NEIL3: variants seen among roughly 807,000 people sequenced by gnomAD.
NEIL3 encodes endonuclease 8-like 3.
NEIL3 carries 48 observed loss-of-function variants against 57.5 expected under a neutral mutation model. The ratio of observed to expected loss-of-function variants is 0.83; its 90% CI spans 0.66 to 1.06. NEIL3 has a LOEUF of 1.06. NEIL3 is among the 50% of genes least tolerant of loss of function. The pLI, the probability that NEIL3 is intolerant of heterozygous loss-of-function variation, is 0.00. For missense variants in NEIL3, 717 were observed against 739.1 expected (o/e 0.97, Z 0.35); for synonymous variants, 261 against 253.2 (o/e 1.03, Z -0.29).
At chr4:177,319,423 T>C (rs1389496783) in intron 1 of NEIL3, among the ~76,000 whole-genome samples, 1 of 152,184 alleles carries the variant, frequency 6.6e-6, no homozygotes, top group Non-Finnish European at 1.5e-5. Flanking sequence ...ATTAGATAGA[T>C]GTTGAGTTTC....
chr4:177,343,762 C>T (rs1013017648), intron 6 of NEIL3: 2 of 150,530 alleles, frequency 1.3e-5, no homozygotes, highest in African/African-American at 2.4e-5. Flanking sequence ...ATATAATACA[C>T]ACTTAATGGT....
Position 177,353,400 on chromosome 4 carries a change from A to C in NEIL3, c.1132A>C (p.Lys378Gln). Residue 378 changes from lysine to glutamine, a missense_variant, in exon 8 of 10, where the codon AAG becomes CAG. Coordinates refer to ENST00000264596, the MANE Select transcript of NEIL3 (RefSeq NM_018248.3). ...TTTTGGAAAACCTCATACAGAAGTC[A>C]AGATCAACAGAAAAACTGCATTTGG... The part of the protein sequence containing the change: ...NTFGKPHTEV[K>Q]INRKTAFGTT... The C allele has an allele frequency of 6.2e-7, 1 of 1,613,876 alleles. No individual in the cohort carries two copies. The highest frequency in any genetic ancestry group is 2.2e-5 in the East Asian group (1 of 44,856).
the NEIL3 span, among the ~76,000 whole-genome samples, chr4:177,369,820 C>T: frequency 3.3e-5 from 5 of 152,152 alleles, no homozygotes; most frequent in African/African-American, 7.2e-5. Flanking sequence ...CAGTACAGTT[C>T]TTAACAGGGC....
At position 177,320,602 on chromosome 4, in the gene NEIL3, C is replaced by T. The variant is rs183108621; in HGVS notation, c.157-1857C>T. Among the ~76,000 whole-genome samples the T allele has an allele frequency of 8.1e-3, 1,215 of 150,512 alleles. 14 individuals carry two copies. The highest frequency in any genetic ancestry group is 0.028 in the African/African-American group (1,154 of 40,826). On this transcript the variant is annotated intron_variant, in intron 1 of 9. Transcript: ENST00000264596. ...ACGCCATTCTCCTGACTCAGCCTCC[C>T]GAGTAGCTGGGGCTACAGGCGCCCG...
At chr4:177,330,070 C>A (rs193161693) in intron 2 of NEIL3, among the ~76,000 whole-genome samples, 19 of 152,238 alleles carry the variant, frequency 1.2e-4, no homozygotes, top group African/African-American at 4.3e-4. Flanking sequence ...TGCTACCATG[C>A]CTGGCTAATT....
intron 4 of NEIL3, among the ~76,000 whole-genome samples, chr4:177,337,933 C>T (rs1025780932): frequency 1.3e-5 from 2 of 152,098 alleles, no homozygotes; most frequent in African/African-American, 2.4e-5. Context: ...GCAGGACAAT[C>T]GCTTAAGCCC....
Position 177,310,069 on chromosome 4 carries a change from C to T in NEIL3, c.116C>T (p.Ala39Val), listed in dbSNP as rs141918143. The part of the protein sequence containing the change: ...GSALRSLQGR[A>V]LRLAASTVVV... The stretch of plus-strand genomic sequence containing the variant: ...GCTCTGCGGAGTCTGCAGGGCCGCG[C>T]CTTGCGGCTCGCAGCCTCCACGGTT... Residue 39 changes from alanine to valine, a missense_variant, in exon 1 of 10, where the codon GCC becomes GTC. Ala to Val is a moderately conservative substitution (Grantham distance 64). Coordinates refer to ENST00000264596, the MANE Select transcript of NEIL3 (RefSeq NM_018248.3). 3.3e-5 allele frequency: 52 copies of T among 1,598,784 alleles called. No individual in the cohort carries two copies. Among genetic ancestry groups the T allele is most frequent in the Non-Finnish European group, 4.3e-5 (51 of 1,173,962 alleles).
intron 1 of NEIL3, among the ~76,000 whole-genome samples, chr4:177,313,843 A>G (rs967726578): frequency 3.3e-5 from 5 of 152,216 alleles, no homozygotes; most frequent in African/African-American, 9.6e-5. Context: ...GGAGAAGAAC[A>G]AGGTTTTGAA....
Position 177,336,124 on chromosome 4 carries a change from C to G in NEIL3, c.430C>G (p.Gln144Glu). Residue 144 changes from glutamine to glutamate, a missense_variant, in exon 4 of 10, where the codon CAA becomes GAA. Gln to Glu is a conservative substitution (Grantham distance 29, BLOSUM62 2). Transcript: ENST00000264596. Reference sequence around the variant, plus strand: ...TTTCTATAGAAACTCAATGGAAAGCCAACAGAGAATAAGAATGATGAAAGA... The same window carrying G: ...TTTCTATAGAAACTCAATGGAAAGCGAACAGAGAATAAGAATGATGAAAGA... ...SVELRNSMES[Q>E]QRIRMMKELD... 1 of 1,611,250 alleles carries G rather than the reference C, an allele frequency of 6.2e-7. No individual in the cohort carries two copies. The highest frequency in any genetic ancestry group is 8.5e-7 in the Non-Finnish European group (1 of 1,177,474).
In NEIL3 at chr4:177,341,630, A is replaced by G. The variant is rs34193982; in HGVS notation, c.857A>G (p.His286Arg). Residue 286 changes from histidine to arginine, a missense_variant, in exon 6 of 10, where the codon CAT becomes CGT. His to Arg is a conservative substitution (Grantham distance 29). Transcript: ENST00000264596. Reference sequence around the variant, plus strand: ...CACTGTCAAAAAGAAAATCCTCAACATGTTGACATATGGTAAGATATTGAA... The same window carrying G: ...CACTGTCAAAAAGAAAATCCTCAACGTGTTGACATATGGTAAGATATTGAA... ...CPHCQKENPQ[H>R]VDICKLPTRN... 0.15 allele frequency: 235,852 copies of G among 1,610,904 alleles called. 18,604 individuals are homozygous for G. Among genetic ancestry groups the G allele is most frequent in the Non-Finnish European group, 0.16 (190,183 of 1,177,882 alleles).
intron 4 of NEIL3, among the ~76,000 whole-genome samples, chr4:177,338,338 A>G (rs1444944481): frequency 6.6e-6 from 1 of 152,200 alleles, no homozygotes; most frequent in Non-Finnish European, 1.5e-5. Context: ...ACAGGGGATC[A>G]GTTGCAGTAC....
rs201092981 is a variant in NEIL3, at chr4:177,341,648, A to T, written c.869+6A>T. ...CCTCAACATGTTGACATATGGTAAG[A>T]TATTGAATTTAAAGGGATACCATTT... is the stretch of plus-strand genomic sequence containing the variant. On this transcript the variant is annotated splice_donor_region_variant and intron_variant, in intron 6 of 9. Transcript: ENST00000264596. The T allele has an allele frequency of 6.2e-7, 1 of 1,610,896 alleles. No individual in the cohort carries two copies. The highest frequency in any genetic ancestry group is 8.5e-7 in the Non-Finnish European group (1 of 1,178,408).
rs560583914 is a variant in NEIL3 at position 177,327,507 on chromosome 4, G to C, written c.278+4927G>C. 2.6e-5 allele frequency among the ~76,000 whole-genome samples: 4 copies of C among 152,266 alleles called. No homozygotes were observed. In the East Asian group the frequency reaches 5.8e-4, roughly 22 times the overall value. On this transcript the variant is annotated intron_variant, in intron 2 of 9. Transcript: ENST00000264596. ...AGGTGTACATGTGCCATGGTGGTTT[G>C]CTGCACCTATCAACCTGTCATCTAG...
At chr4:177,351,653 A>G (rs1735355823) in intron 7 of NEIL3, 104 bp downstream of exon 7, 1 of 923,372 alleles carries the variant, frequency 1.1e-6, no homozygotes, top group African/African-American at 1.7e-5. Flanking sequence ...TAACTAAATA[A>G]AATTTCTTTC....
At chr4:177,335,065 G>A (rs1734948952) in intron 2 of NEIL3, among the ~76,000 whole-genome samples, 1 of 151,854 alleles carries the variant, frequency 6.6e-6, no homozygotes, top group African/African-American at 2.4e-5. Flanking sequence ...AAAGAATTGA[G>A]GACAATAGCA....
intron 4 of NEIL3, among the ~76,000 whole-genome samples, chr4:177,339,449 C>T (rs978968975): frequency 6.6e-6 from 1 of 151,792 alleles, no homozygotes; most frequent in Non-Finnish European, 1.5e-5. Flanking sequence ...AGAGTGAGAC[C>T]CTGTCTCTAA....
intron 2 of NEIL3, among the ~76,000 whole-genome samples, chr4:177,326,932 A>G (rs1466854091): frequency 6.6e-6 from 1 of 152,098 alleles, no homozygotes; most frequent in African/African-American, 2.4e-5. Context: ...GTTCCCACCC[A>G]GATTTCATCT....
chr4:177,335,627 G>GA, intron 2 of NEIL3, 61 bp from the exon 3 acceptor site: 1 of 1,530,902 alleles, frequency 6.5e-7, no homozygotes, highest in East Asian at 2.3e-5. Context: ...GATAGTACAG[G>GA]AAAAAAGCTT....
intron 2 of NEIL3, among the ~76,000 whole-genome samples, chr4:177,332,150 G>A (rs1197282055): frequency 3.3e-5 from 5 of 152,182 alleles, no homozygotes; most frequent in African/African-American, 9.7e-5. Context: ...TTTTCTTAGG[G>A]TTGCTGTCCC....
Sources: allele counts gnomAD v4.1 joint callset (sites outside exome capture counted in the v4.1 genomes callset), GRCh38; gene constraint gnomAD v4.1.1; transcripts MANE v1.5; gene names NCBI Gene and HGNC (gene_info 2026-07-23, HGNC 2026-07-21).